Variants in ECE1 observed in about 807,000 individuals in gnomAD.
The protein encoded by ECE1 is endothelin converting enzyme 1.
Under a neutral mutation model 98.6 loss-of-function variants are expected in ECE1, and 35 were observed. That is an observed-to-expected ratio of 0.35 (90% confidence interval 0.27 to 0.47). The LOEUF is 0.47. Among genes scored for constraint, ECE1 ranks in the 20% least tolerant of loss-of-function variants. The pLI is 1.00. For missense variants in ECE1, 814 were observed against 1,025.3 expected, an observed-to-expected ratio of 0.79 and a Z score of 2.81; for synonymous variants, 394 against 407.1, an observed-to-expected ratio of 0.97 and a Z score of 0.39.
chr1:21,290,499 G>A (rs1485029667), upstream of ECE1: 1 of 1,214,230 alleles, frequency 8.2e-7, no homozygotes, highest in African/African-American at 1.6e-5. This position sits in a 1 kb window ranked among gnomAD's most constrained non-coding sequence, Gnocchi z 7.3. Context: ...TTCGCGGGCG[G>A]GGCCTGATCG....
chr1:21,226,848 C>T (rs2098174953), intron 16 of ECE1, among the ~76,000 whole-genome samples: 1 of 152,182 alleles, frequency 6.6e-6, no homozygotes. Context: ...GCCTCAGCCT[C>T]CTGAGTAGCT....
intron 3 of ECE1, among the ~76,000 whole-genome samples, chr1:21,275,315 C>T (rs1260704792): frequency 6.6e-6 from 1 of 152,130 alleles, no homozygotes; most frequent in African/African-American, 2.4e-5. Flanking sequence ...GTCTCAGAGG[C>T]CGGGCTCGGT....
At chr1:21,246,864 G>A (rs1298525379) in intron 9 of ECE1, among the ~76,000 whole-genome samples, 6 of 152,174 alleles carry the variant, frequency 3.9e-5, no homozygotes, top group Non-Finnish European at 8.8e-5. Context: ...TCGCCATGTT[G>A]CCCAGGCTGG....
chr1:21,287,118 G>C (rs2098261388), intron 2 of ECE1, among the ~76,000 whole-genome samples: 1 of 152,152 alleles, frequency 6.6e-6, no homozygotes, highest in Non-Finnish European at 1.5e-5. Flanking sequence ...TTGATCACTT[G>C]GGACTTCCTA....
At chr1:21,318,985 T>C (rs1638902633) in intron 1 of ECE1, among the ~76,000 whole-genome samples, 1 of 152,224 alleles carries the variant, frequency 6.6e-6, no homozygotes, top group Non-Finnish European at 1.5e-5. Flanking sequence ...CCAAATTCTG[T>C]GGGTTTTCAG....
chr1:21,297,366 C>A (rs1012580979), intron 1 of ECE1, among the ~76,000 whole-genome samples: 9 of 152,128 alleles, frequency 5.9e-5, no homozygotes, highest in African/African-American at 2.2e-4. Flanking sequence ...ACTTGCCTGG[C>A]AACCTCCATC....
In ECE1 at chr1:21,345,286, A is replaced by G; in HGVS notation, c.3+90T>C. 1 of 1,265,646 alleles carries G rather than the reference A, an allele frequency of 7.9e-7. No individual in the cohort carries two copies. The highest frequency in any genetic ancestry group is 1.6e-5 in the African/African-American group (1 of 63,898). 78.4% of individuals were successfully genotyped at this position (1,265,646 alleles called of 1,614,324 possible). ...GCCGGCGCCCAGCCCCCCGCGAGCC[A>G]GGGCGGCCCCGGGTGCCACCCGCGG... On this transcript the variant is annotated intron_variant, in intron 1 of 18. Coordinates refer to the ECE1 transcript ENST00000415912. The surrounding 1 kb of genome is among the most constrained non-coding windows in gnomAD (Gnocchi z 5.1).
intron 2 of ECE1, among the ~76,000 whole-genome samples, chr1:21,283,802 G>T (rs1247983087): frequency 6.6e-6 from 1 of 152,192 alleles, no homozygotes; most frequent in African/African-American, 2.4e-5. Flanking sequence ...AATTAAGCCA[G>T]AATTGAATTA....
At chr1:21,222,183 C>T (rs532995116) in intron 17 of ECE1, 1 of 349,238 alleles carries the variant, frequency 2.9e-6, no homozygotes, top group African/African-American at 2.1e-5. Flanking sequence ...TGCACACACA[C>T]ACACATACAC....
At chr1:21,229,083 C>CAT (rs1232588763) in intron 14 of ECE1, among the ~76,000 whole-genome samples, 1 of 151,950 alleles carries the variant, frequency 6.6e-6, no homozygotes, top group African/African-American at 2.4e-5. Flanking sequence ...CCTCGTGATC[C>CAT]GCCTGCCTCG....
chr1:21,291,990 A>G (rs2098267003), upstream of ECE1, among the ~76,000 whole-genome samples: 1 of 148,632 alleles, frequency 6.7e-6, no homozygotes, highest in Non-Finnish European at 1.5e-5. Flanking sequence ...ATATATTTAT[A>G]TATTATATAT....
At chr1:21,298,589 G>A in intron 1 of ECE1, 2 of 375,642 alleles carry the variant, frequency 5.3e-6, no homozygotes, top group South Asian at 1.9e-5. Flanking sequence ...CACATGGGAG[G>A]GAAGGAACGA....
chr1:21,301,363 G>A (rs938359047), intron 1 of ECE1, among the ~76,000 whole-genome samples: 11 of 152,132 alleles, frequency 7.2e-5, no homozygotes, highest in Non-Finnish European at 1.5e-4. Flanking sequence ...GCGAGGTGGC[G>A]GGCGCCTGTA....
At chr1:21,338,282 C>T (rs1477949445) in intron 1 of ECE1, among the ~76,000 whole-genome samples, 2 of 152,226 alleles carry the variant, frequency 1.3e-5, no homozygotes, top group Non-Finnish European at 2.9e-5. Context: ...CTCCAGTTTC[C>T]AAGTGACGCA....
At chr1:21,272,948 G>GGCAGGGAAGAA (rs1382724608) in intron 3 of ECE1, 37 bp from the exon 4 acceptor site, 3 of 1,611,448 alleles carry the variant, frequency 1.9e-6, no homozygotes, top group Non-Finnish European at 2.5e-6. Flanking sequence ...GTGAAGGGCA[G>GGCAGGGAAGAA]GCAGGGAAGA....
rs1308801993 is a variant in ECE1 at position 21,217,712 on chromosome 1, T to C, written c.*2243A>G. 1 of 152,470 alleles carries C rather than the reference T, an allele frequency of 6.6e-6. No homozygotes were observed. The highest frequency in any genetic ancestry group is 1.5e-5 in the Non-Finnish European group (1 of 68,268). 9.4% of individuals were successfully genotyped at this position (152,470 alleles called of 1,614,324 possible). ...ACCATGGCTGGGAGAAGCCCGCCTC[T>C]ATGTGGCAAGGGGACTGCGGCTGGC... On this transcript the variant is annotated 3_prime_UTR_variant, in exon 19 of 19. Transcript: ENST00000374893.
Position 21,220,230 on chromosome 1 carries a change from TCA to T in ECE1, c.2137-101_2137-100del, listed in dbSNP as rs2098165693. The T allele has an allele frequency of 3.7e-6, 5 of 1,355,584 alleles. No homozygotes were observed. The highest frequency in any genetic ancestry group is 5.0e-6 in the Non-Finnish European group (5 of 1,000,276). The allele number at this position is 1,355,584 out of a possible 1,614,324, so 84.0% of individuals were successfully genotyped here. A position where few individuals can be genotyped will look rare whatever the true frequency, so the allele number is the denominator to read the frequency against. Reference sequence around the variant, plus strand: ...AGCAGGGGAGGCCAGGTGCGGTGGCTCACACCTGTAATCCCAGCACTTTGGGA... The same window carrying T: ...AGCAGGGGAGGCCAGGTGCGGTGGCTCACCTGTAATCCCAGCACTTTGGGA... On this transcript the variant is annotated intron_variant, in intron 18 of 18. Transcript: ENST00000374893. This position sits in a 1 kb window ranked among gnomAD's most constrained non-coding sequence, Gnocchi z 5.0.
chr1:21,221,605 G>A (rs2098167543), intron 18 of ECE1, 142 bp downstream of exon 18: 3 of 885,008 alleles, frequency 3.4e-6, no homozygotes, highest in Non-Finnish European at 1.9e-6. Context: ...TCTCTCTAAT[G>A]ACAGGGCACA....
At position 21,290,023 on chromosome 1, in the gene ECE1, C is replaced by T; in HGVS notation, c.138+47G>A. On this transcript the variant is annotated intron_variant, in intron 2 of 18. Transcript: ENST00000374893. This position sits in a 1 kb window ranked among gnomAD's most constrained non-coding sequence, Gnocchi z 7.3. ...GGCGCGGCAGCGGCAGCGCGCATGC[C>T]CGGGCCCGGGGCGCCTGGACCTCGG... 7.7e-7 allele frequency: 1 copy of T among 1,297,080 alleles called. No homozygotes were observed. 80.3% of individuals were successfully genotyped at this position (1,297,080 alleles called of 1,614,324 possible). A position where few individuals can be genotyped will look rare whatever the true frequency, so the allele number is the denominator to read the frequency against.
Sources: allele counts gnomAD v4.1 joint callset (sites outside exome capture counted in the v4.1 genomes callset), GRCh38; gene constraint gnomAD v4.1.1; non-coding constraint Gnocchi (gnomAD v3.1); transcripts MANE v1.5; gene names NCBI Gene and HGNC (gene_info 2026-07-23, HGNC 2026-07-21).